The following GABBR2 variants were observed in gnomAD, a reference collection of about 807,000 sequenced individuals.
GABBR2 encodes the protein G-protein coupled receptor 51.
Under a neutral mutation model 105.6 loss-of-function variants are expected in GABBR2, and 23 were observed. The ratio of observed to expected loss-of-function variants is 0.22; its 90% CI spans 0.16 to 0.31. The LOEUF (loss-of-function observed/expected upper bound fraction) is 0.31. Among genes scored for constraint, GABBR2 ranks in the 10% least tolerant of loss-of-function variants. The pLI is 1.00. For synonymous variants in GABBR2, 478 were observed against 499.7 expected, an observed-to-expected ratio of 0.96 and a Z score of 0.58; for missense variants, 734 against 1,245.5, an observed-to-expected ratio of 0.59 and a Z score of 6.18.
intron 2 of GABBR2, among the ~76,000 whole-genome samples, chr9:98,558,788 C>T (rs16917113): frequency 0.041 from 6,299 of 152,212 alleles, 256 homozygotes; most frequent in East Asian, 0.15. Context: ...CCATTGACAC[C>T]GAGTTCTGTT....
At chr9:98,422,342 C>A (rs1832795605) in intron 7 of GABBR2, among the ~76,000 whole-genome samples, 1 of 152,188 alleles carries the variant, frequency 6.6e-6, no homozygotes, top group Non-Finnish European at 1.5e-5. Context: ...TCAGGCACTT[C>A]TGGTGGGATG....
At chr9:98,679,715 C>T (rs980866880) in intron 1 of GABBR2, among the ~76,000 whole-genome samples, 6 of 152,176 alleles carry the variant, frequency 3.9e-5, no homozygotes, top group African/African-American at 7.2e-5. Context: ...GCTTCTCCCG[C>T]CCTTTTCTCT....
intron 3 of GABBR2, among the ~76,000 whole-genome samples, chr9:98,519,984 TG>T (rs2131710675): frequency 6.6e-6 from 1 of 152,302 alleles, no homozygotes; most frequent in Non-Finnish European, 1.5e-5. Flanking sequence ...GGCAAAAGCA[TG>T]AACTCGAGTC....
At chr9:98,552,704 G>A (rs562762845) in intron 2 of GABBR2, among the ~76,000 whole-genome samples, 2 of 152,314 alleles carry the variant, frequency 1.3e-5, no homozygotes, top group Admixed American at 1.3e-4. Flanking sequence ...AAGGCCTTCT[G>A]GGGTATCGTG....
chr9:98,423,296 G>A (rs942730792), intron 7 of GABBR2, among the ~76,000 whole-genome samples: 8 of 152,130 alleles, frequency 5.3e-5, no homozygotes, highest in South Asian at 2.1e-4. Context: ...TTTAATGATC[G>A]CCATTCTAAC....
At chr9:98,437,782 G>T (rs1005640010) in intron 7 of GABBR2, among the ~76,000 whole-genome samples, 2 of 144,764 alleles carry the variant, frequency 1.4e-5, no homozygotes, top group Non-Finnish European at 3.0e-5. Context: ...ATCCATCCAT[G>T]CACCTATAGC....
intron 14 of GABBR2, among the ~76,000 whole-genome samples, chr9:98,308,726 T>C (rs923761370): frequency 2.6e-5 from 4 of 152,280 alleles, no homozygotes; most frequent in African/African-American, 9.6e-5. Context: ...CAAGGACGGA[T>C]TCTCTCCTGG....
intron 3 of GABBR2, among the ~76,000 whole-genome samples, chr9:98,518,081 T>G (rs1033008687): frequency 6.6e-6 from 1 of 152,198 alleles, no homozygotes; most frequent in African/African-American, 2.4e-5. Flanking sequence ...ATTTTTTACC[T>G]TGGCTGCTTC....
At chr9:98,622,522 T>C (rs997332608) in intron 1 of GABBR2, among the ~76,000 whole-genome samples, 9 of 78,640 alleles carry the variant, frequency 1.1e-4, no homozygotes, top group Non-Finnish European at 2.1e-4. Flanking sequence ...GCTAGCTATG[T>C]ACTGCAGTCT....
At chr9:98,484,384 G>T (rs1156892201) in intron 4 of GABBR2, among the ~76,000 whole-genome samples, 3 of 152,150 alleles carry the variant, frequency 2.0e-5, no homozygotes, top group Admixed American at 1.3e-4. Context: ...TCTCACTTTG[G>T]TTCTCCTTGA....
intron 3 of GABBR2, among the ~76,000 whole-genome samples, chr9:98,534,303 G>A (rs1588216105): frequency 1.3e-5 from 1 of 79,334 alleles, no homozygotes; most frequent in African/African-American, 4.5e-5. Flanking sequence ...AGATCACTGA[G>A]GACCAGTGAC....
In GABBR2 at chr9:98,394,230, C is replaced by T; in HGVS notation, c.1323G>A (p.Glu441=). ...CCAGTGTGTCGGCCACAGCGTTGTA[C>T]TCTCCCACCTTCACCTCCCTGCTGT... ...FQDSREVKVG[E]YNAVADTLEI... The change falls in exon 9 of 19, where the codon GAG becomes GAA. Residue 441 remains glutamate, a synonymous_variant. Transcript: ENST00000259455. The T allele has an allele frequency of 1.9e-6, 3 of 1,613,766 alleles. No homozygotes were observed. Among genetic ancestry groups the T allele is most frequent in the Non-Finnish European group, 2.5e-6 (3 of 1,179,636 alleles).
At chr9:98,471,521 TCACAGCCCTGCA>T (rs901918858) in intron 6 of GABBR2, among the ~76,000 whole-genome samples, 1 of 152,208 alleles carries the variant, frequency 6.6e-6, no homozygotes, top group South Asian at 2.1e-4. Flanking sequence ...CGTGTACTGC[TCACAGCCCTGCA>T]CACAGCCCTG....
intron 1 of GABBR2, among the ~76,000 whole-genome samples, chr9:98,654,118 C>T (rs1011773805): frequency 6.6e-6 from 1 of 152,188 alleles, no homozygotes; most frequent in Non-Finnish European, 1.5e-5. Flanking sequence ...AAAATGTGTA[C>T]AGACACAGAG....
intron 5 of GABBR2, among the ~76,000 whole-genome samples, chr9:98,478,423 G>C (rs1826839164): frequency 6.6e-6 from 1 of 152,166 alleles, no homozygotes; most frequent in Non-Finnish European, 1.5e-5. Context: ...ATAAGTCCTT[G>C]AGGGCAGATT....
intron 5 of GABBR2, among the ~76,000 whole-genome samples, chr9:98,475,941 G>A (rs1826784899): frequency 6.6e-6 from 1 of 152,200 alleles, no homozygotes; most frequent in African/African-American, 2.4e-5. Flanking sequence ...GCACATGCCT[G>A]TAATCCCAGC....
At chr9:98,392,725 G>T (rs1344898935) in intron 9 of GABBR2, among the ~76,000 whole-genome samples, 1 of 152,130 alleles carries the variant, frequency 6.6e-6, no homozygotes, top group Non-Finnish European at 1.5e-5. Flanking sequence ...TGACCCACTG[G>T]AATCAAAGTA....
At chr9:98,608,741 C>CT (rs1829466048) in intron 1 of GABBR2, among the ~76,000 whole-genome samples, 1 of 152,144 alleles carries the variant, frequency 6.6e-6, no homozygotes, top group Non-Finnish European at 1.5e-5. Context: ...ATATATTATT[C>CT]TCATTTAGTG....
intron 1 of GABBR2, among the ~76,000 whole-genome samples, chr9:98,675,487 A>G (rs1055899006): frequency 2.3e-4 from 35 of 152,286 alleles, no homozygotes; most frequent in African/African-American, 8.4e-4. Context: ...GTTAGAGATG[A>G]CGCCAAAGCC....
Sources: gnomAD v4.1 joint callset for allele counts (sites outside exome capture counted in the v4.1 genomes callset) on GRCh38, gnomAD v4.1.1 for gene constraint, MANE v1.5 for transcripts, NCBI Gene and HGNC (gene_info 2026-07-23, HGNC 2026-07-21) for gene names.